The following TNS3 variants were observed in gnomAD, a reference collection of about 807,000 sequenced individuals.
The protein encoded by TNS3 is tensin-3.
In TNS3, 45 loss-of-function variants were observed where a neutral mutation model predicts 140.9. That is an observed-to-expected ratio of 0.32 (90% CI 0.25 to 0.41). The LOEUF (loss-of-function observed/expected upper bound fraction) is 0.41, where lower values mean the gene tolerates loss of function less well. Among genes scored for constraint, TNS3 ranks in the 10% least tolerant of loss-of-function variants. TNS3 has a pLI of 1.00. For synonymous variants in TNS3, 815 were observed against 788.4 expected (o/e 1.03, Z -0.56); for missense variants, 1,716 against 1,906.7 (o/e 0.90, Z 1.86).
At chr7:47,476,697 C>T (rs754355216) in intron 4 of TNS3, among the ~76,000 whole-genome samples, 1 of 152,212 alleles carries the variant, frequency 6.6e-6, no homozygotes, top group Non-Finnish European at 1.5e-5. Flanking sequence ...CCACGTCGCA[C>T]ATTTTCTCTG....
intron 1 of TNS3, among the ~76,000 whole-genome samples, chr7:47,540,527 G>A (rs556554795): frequency 5.3e-5 from 8 of 152,256 alleles, no homozygotes; most frequent in African/African-American, 1.7e-4. Context: ...TCCCTCACAC[G>A]ATCATGCATT....
intron 16 of TNS3, among the ~76,000 whole-genome samples, chr7:47,370,329 G>A (rs1358649430): frequency 2.6e-5 from 4 of 152,124 alleles, no homozygotes; most frequent in Admixed American, 2.0e-4. Flanking sequence ...ATGTCAATAC[G>A]AAATTCAATG....
chr7:47,490,431 G>C (rs959439690), intron 3 of TNS3, among the ~76,000 whole-genome samples: 7 of 152,154 alleles, frequency 4.6e-5, no homozygotes, highest in African/African-American at 1.4e-4. Context: ...CATCACACAG[G>C]GTCTTCTGTA....
chr7:47,574,170 A>G (rs1800619415), intron 1 of TNS3, among the ~76,000 whole-genome samples: 1 of 152,202 alleles, frequency 6.6e-6, no homozygotes, highest in Non-Finnish European at 1.5e-5. Context: ...CATTTATCCA[A>G]ATTAAAACCA....
chr7:47,530,858 T>TATATATATATATATATATATATATATATA (rs60516528), intron 1 of TNS3, among the ~76,000 whole-genome samples: 1 of 131,656 alleles, frequency 7.6e-6, no homozygotes, highest in South Asian at 2.6e-4. Context: ...TATATATATA[T>TATATATATATATATATATATATATATATA]TTCTAGCACA....
At position 47,552,313 on chromosome 7, in the gene TNS3, C is replaced by CA. The variant is rs1250249150; in HGVS notation, c.-264-23167dup. On this transcript the variant is annotated intron_variant, in intron 1 of 30. Transcript: ENST00000311160. ...GGAGAAACAAGAAGAAAAATAACAA[C>CA]AAAAAATCACTCTCTGCCTCCGTTG... Among the ~76,000 whole-genome samples the CA allele has an allele frequency of 1.1e-4, 16 of 152,204 alleles. No homozygotes were observed. In the East Asian group the frequency reaches 2.5e-3, roughly 24 times the overall value.
intron 21 of TNS3, 132 bp downstream of exon 21, chr7:47,304,700 T>C: frequency 1.1e-6 from 1 of 926,850 alleles, no homozygotes; most frequent in African/African-American, 1.7e-5. Context: ...CCCCGCCCCA[T>C]CTTCAGGCCA....
intron 16 of TNS3, among the ~76,000 whole-genome samples, chr7:47,371,466 G>T (rs1481384400): frequency 1.3e-5 from 2 of 152,190 alleles, no homozygotes; most frequent in African/African-American, 4.8e-5. Context: ...CCTGAAACCT[G>T]TGTGCTCCTG....
chr7:47,352,116 GTC>G (rs1026707162), intron 17 of TNS3, among the ~76,000 whole-genome samples: 5 of 128,876 alleles, frequency 3.9e-5, no homozygotes, highest in East Asian at 2.2e-4. Context: ...CACACTCTTA[GTC>G]TCTCACACAC....
chr7:47,306,840 G>T (rs932404005), intron 20 of TNS3, among the ~76,000 whole-genome samples: 5 of 152,216 alleles, frequency 3.3e-5, no homozygotes, highest in African/African-American at 1.2e-4. Context: ...GCCTCCCAAA[G>T]TGCTGGGATT....
chr7:47,456,491 T>C (rs978192528), intron 4 of TNS3, among the ~76,000 whole-genome samples: 9 of 152,096 alleles, frequency 5.9e-5, no homozygotes, highest in African/African-American at 1.9e-4. Context: ...GCATGCAAAG[T>C]GCTTAATACT....
chr7:47,520,586 A>T (rs4724586), intron 2 of TNS3, among the ~76,000 whole-genome samples: 45,181 of 152,084 alleles, frequency 0.3, 7,015 homozygotes, highest in East Asian at 0.4. Flanking sequence ...AGGATTTCAG[A>T]CAAAATCCAC....
chr7:47,396,102 G>C (rs1792813275), intron 16 of TNS3, among the ~76,000 whole-genome samples: 2 of 152,224 alleles, frequency 1.3e-5, no homozygotes, highest in African/African-American at 4.8e-5. Flanking sequence ...CCCAAAGCAA[G>C]TCTGATTCTC....
In TNS3 at chr7:47,526,999, G is replaced by A. The variant is rs574437046; in HGVS notation, c.-153+2037C>T. 1.9e-3 allele frequency among the ~76,000 whole-genome samples: 290 copies of A among 152,084 alleles called. 3 individuals are homozygous for A. The highest frequency in any genetic ancestry group is 6.8e-3 in the African/African-American group (283 of 41,500). On this transcript the variant is annotated intron_variant, in intron 2 of 30. Coordinates refer to ENST00000311160, the MANE Select transcript of TNS3 (RefSeq NM_022748.12). ...TGTAATCCCAGCACTTTGGGAGGCC[G>A]AGGCAGGCGGATCACAAGTTCAGGA... is the stretch of plus-strand genomic sequence containing the variant.
chr7:47,451,798 C>G (rs1161585812), intron 4 of TNS3, among the ~76,000 whole-genome samples: 1 of 152,200 alleles, frequency 6.6e-6, no homozygotes, highest in Non-Finnish European at 1.5e-5. Context: ...TTTTCAAAGG[C>G]AACAACCTGA....
rs1794763728 is a variant in TNS3 at position 47,428,355 on chromosome 7, C to T, written c.346G>A (p.Val116Met). 6.9e-7 allele frequency: 1 copy of T among 1,454,858 alleles called. No homozygotes were observed. The highest frequency in any genetic ancestry group is 1.5e-5 in the African/African-American group (1 of 68,504). The allele number at this position is 1,454,858 out of a possible 1,614,324, so 90.1% of individuals were successfully genotyped here. ...HCRGGKGRIG[V>M]VISSYMHFTN... ...AAATGCATGTAGGATGATATGACCA[C>T]TCCTATGCGTCCTTTCCCGCCCTGC... Residue 116 changes from valine (V) to methionine (M), a missense_variant, in exon 9 of 31, where the codon GTG becomes ATG. Val to Met is a conservative substitution (Grantham distance 21). This residue lies in a region of TNS3 where 337 missense variants were observed against 428.9 expected (regional missense o/e 0.79). Transcript: ENST00000311160.
At chr7:47,565,529 C>T (rs1411851776) in intron 1 of TNS3, among the ~76,000 whole-genome samples, 1 of 151,966 alleles carries the variant, frequency 6.6e-6, no homozygotes, top group Non-Finnish European at 1.5e-5. Context: ...ATATGCCCAG[C>T]TGATTTTTTG....
Position 47,443,751 on chromosome 7 carries a change from G to A in TNS3, c.-75-1696C>T, listed in dbSNP as rs188405206. On this transcript the variant is annotated intron_variant, in intron 4 of 30. Coordinates refer to ENST00000311160, the MANE Select transcript of TNS3 (RefSeq NM_022748.12). Reference sequence around the variant, plus strand: ...ACCCTGGCCAACATGGTGAAACCACGTCTCTACTAAAAATACAAAAATTAG... The same window carrying A: ...ACCCTGGCCAACATGGTGAAACCACATCTCTACTAAAAATACAAAAATTAG... Among the ~76,000 whole-genome samples, 753 of 152,108 alleles carry A rather than the reference G, an allele frequency of 5.0e-3. 2 individuals are homozygous for A. Among genetic ancestry groups the A allele is most frequent in the Non-Finnish European group, 9.1e-3 (621 of 67,982 alleles).
chr7:47,574,020 A>G (rs1289687163), intron 1 of TNS3, among the ~76,000 whole-genome samples: 3 of 152,168 alleles, frequency 2.0e-5, no homozygotes, highest in Non-Finnish European at 4.4e-5. Context: ...CCAACTGCCC[A>G]GGGCCTGCAT....
Sources: allele counts gnomAD v4.1 joint callset (sites outside exome capture counted in the v4.1 genomes callset), GRCh38; gene constraint gnomAD v4.1.1; regional missense constraint gnomAD v4.1.1; transcripts MANE v1.5; gene names NCBI Gene and HGNC (gene_info 2026-07-23, HGNC 2026-07-21).